STIL: variants seen among roughly 807,000 people sequenced by gnomAD.
The protein encoded by STIL is STIL centriolar assembly protein.
In STIL, 55 loss-of-function variants were observed where a neutral mutation model predicts 110.1. The observed-to-expected ratio is 0.50, with a 90% CI of 0.40 to 0.63. The LOEUF (loss-of-function observed/expected upper bound fraction) is 0.63, where lower values mean the gene tolerates loss of function less well. Ranked by LOEUF, STIL falls within the 20% of genes least tolerant of loss-of-function variation. The pLI is 0.00. For synonymous variants in STIL, 481 were observed against 530.0 expected (o/e 0.91, Z 1.27); for missense variants, 1,358 against 1,530.0 (o/e 0.89, Z 1.87).
intron 6 of STIL, among the ~76,000 whole-genome samples, chr1:47,297,457 T>A (rs1323924083): frequency 6.6e-6 from 1 of 152,234 alleles, no homozygotes; most frequent in Non-Finnish European, 1.5e-5. Flanking sequence ...CACATCATGT[T>A]TACATGTCAA....
chr1:47,285,566 T>G (rs1645273382), intron 10 of STIL, among the ~76,000 whole-genome samples: 1 of 152,198 alleles, frequency 6.6e-6, no homozygotes. Context: ...CAAGTGATTC[T>G]CTTGCTTCAG....
At chr1:47,295,453 G>A (rs1645614913) in intron 7 of STIL, among the ~76,000 whole-genome samples, 2 of 151,876 alleles carry the variant, frequency 1.3e-5, no homozygotes, top group Non-Finnish European at 2.9e-5. Context: ...GGTGATGCAC[G>A]CCTGTAATCC....
chr1:47,274,164 G>A (rs1644919693), intron 12 of STIL, among the ~76,000 whole-genome samples: 1 of 151,980 alleles, frequency 6.6e-6, no homozygotes, highest in Non-Finnish European at 1.5e-5. Flanking sequence ...CCATTTTATA[G>A]GTGAGAAAAG....
chr1:47,314,464 G>T (rs1484172209), upstream of STIL, among the ~76,000 whole-genome samples: 2 of 152,348 alleles, frequency 1.3e-5, no homozygotes, highest in Admixed American at 6.5e-5. Context: ...CTAGGTAGAC[G>T]GAGGAGCGAG....
In STIL at chr1:47,272,222, G is replaced by C. The variant is rs1319126473; in HGVS notation, c.2237C>G (p.Ala746Gly). 1.2e-6 allele frequency: 2 copies of C among 1,614,162 alleles called. No individual in the cohort carries two copies. Among genetic ancestry groups the C allele is most frequent in the South Asian group, 2.2e-5 (2 of 91,092 alleles). ...LQAQIQRLLE[A>G]QSLMPCSPKT... ...AGGGGAACAGGGCATCAGAGACTGT[G>C]CTTCCAACAAACGCTGAATCTGTAT... The change falls in exon 13 of 17, where the codon GCA (alanine) becomes GGA (glycine). Residue 746 changes from alanine (A) to glycine (G), a missense_variant. Transcript: ENST00000371877.
intron 5 of STIL, 99 bp downstream of exon 5, chr1:47,301,462 T>C (rs1645801776): frequency 2.3e-6 from 3 of 1,326,306 alleles, no homozygotes; most frequent in Non-Finnish European, 2.1e-6. Context: ...ACCAAATTAT[T>C]GTAAATCATT....
At chr1:47,307,353 C>G (rs773898678) in intron 2 of STIL, among the ~76,000 whole-genome samples, 2 of 152,110 alleles carry the variant, frequency 1.3e-5, no homozygotes, top group Non-Finnish European at 1.5e-5. Context: ...GAGGGACCGG[C>G]CGAAGCCATG....
chr1:47,275,534 G>T (rs1644967294), intron 12 of STIL, among the ~76,000 whole-genome samples: 1 of 152,036 alleles, frequency 6.6e-6, no homozygotes, highest in African/African-American at 2.4e-5. Flanking sequence ...TGTGAACCCG[G>T]GAGGCAGAGC....
chr1:47,313,608 G>A (rs1646203505), intron 1 of STIL, among the ~76,000 whole-genome samples: 1 of 152,124 alleles, frequency 6.6e-6, no homozygotes, highest in Non-Finnish European at 1.5e-5. Context: ...ACACCGTGGC[G>A]ATGGTACTAT....
At chr1:47,272,527 C>T (rs933428867) in intron 12 of STIL, among the ~76,000 whole-genome samples, 3 of 151,568 alleles carry the variant, frequency 2.0e-5, no homozygotes, top group Non-Finnish European at 4.4e-5. Context: ...TGGCTTATTG[C>T]AGCCTCAACC....
chr1:47,270,040 C>T (rs755181935), intron 13 of STIL, among the ~76,000 whole-genome samples, 174 bp from the exon 14 acceptor site: 4 of 151,846 alleles, frequency 2.6e-5, no homozygotes, highest in Non-Finnish European at 4.4e-5. Flanking sequence ...AGTTCGAGAC[C>T]AGCCTGGGCA....
At chr1:47,267,316 T>G (rs760748783) in intron 14 of STIL, among the ~76,000 whole-genome samples, 2 of 152,214 alleles carry the variant, frequency 1.3e-5, no homozygotes, top group Non-Finnish European at 2.9e-5. Context: ...GAGCTTTGCC[T>G]AACCTAGTAT....
At chr1:47,278,695 G>A (rs143952479) in intron 12 of STIL, among the ~76,000 whole-genome samples, 9 of 151,802 alleles carry the variant, frequency 5.9e-5, no homozygotes, top group African/African-American at 1.9e-4. Flanking sequence ...TGTGGGAGTG[G>A]TGACTCACAC....
chr1:47,286,795 G>A lies in STIL; in HGVS notation c.1133+756C>T, dbSNP rs1645314017. 2.0e-5 allele frequency among the ~76,000 whole-genome samples: 3 copies of A among 152,174 alleles called. No individual in the cohort carries two copies. In the South Asian group the frequency reaches 6.2e-4, roughly 31 times the overall value. On this transcript the variant is annotated intron_variant, in intron 10 of 16. Coordinates refer to ENST00000371877, the MANE Select transcript of STIL (RefSeq NM_001048166.1). ...GTGATTAATGTTTTAAAAACACTGG[G>A]TGATCAATTTCAGGACCTGAGTGTG...
At chr1:47,257,490 G>A (rs1644361097) in intron 16 of STIL, among the ~76,000 whole-genome samples, 1 of 152,126 alleles carries the variant, frequency 6.6e-6, no homozygotes, top group Non-Finnish European at 1.5e-5. Flanking sequence ...CTGGGTGACA[G>A]AGCAAGATCC....
At chr1:47,276,119 C>A (rs1644984105) in intron 12 of STIL, among the ~76,000 whole-genome samples, 1 of 151,820 alleles carries the variant, frequency 6.6e-6, no homozygotes, top group Non-Finnish European at 1.5e-5. Context: ...TCTCATGCCT[C>A]AGCCTCCTAA....
intron 13 of STIL, among the ~76,000 whole-genome samples, chr1:47,271,813 A>AAAAAAC (rs1644848886): frequency 2.6e-5 from 4 of 151,390 alleles, no homozygotes; most frequent in Non-Finnish European, 5.9e-5. Flanking sequence ...CATTTCAAAA[A>AAAAAAC]AAAAAACAAA....
Position 47,289,507 on chromosome 1 carries a change from G to A in STIL, c.951C>T (p.Phe317=). 2 of 1,613,580 alleles carry A rather than the reference G, an allele frequency of 1.2e-6. No individual in the cohort carries two copies. Among genetic ancestry groups the A allele is most frequent in the Non-Finnish European group, 1.7e-6 (2 of 1,179,590 alleles). The part of the protein sequence containing the change: ...THKEPEFYEC[F]PCDGKIPDFR... ...AGTCAGGTATCTTGCCATCACAAGG[G>A]AAGCATTCATAAAACTCAGGTTCCT... Residue 317 remains phenylalanine (F), a synonymous_variant, in exon 9 of 17, where the codon TTC becomes TTT. Coordinates refer to ENST00000371877, the MANE Select transcript of STIL (RefSeq NM_001048166.1).
chr1:47,309,504 GCCTC>G (rs1246151332), intron 2 of STIL, among the ~76,000 whole-genome samples: 1 of 152,040 alleles, frequency 6.6e-6, no homozygotes, highest in East Asian at 1.9e-4. Flanking sequence ...GAATACGATA[GCCTC>G]CTTGGGTCAT....
Sources: allele counts gnomAD v4.1 joint callset (sites outside exome capture counted in the v4.1 genomes callset), GRCh38; gene constraint gnomAD v4.1.1; transcripts MANE v1.5; gene names NCBI Gene and HGNC (gene_info 2026-07-23, HGNC 2026-07-21).